Variants in ATP1B2 observed in about 807,000 individuals in gnomAD.
ATP1B2 encodes sodium/potassium-transporting ATPase subunit beta-2.
ATP1B2 carries 12 observed loss-of-function variants against 37.3 expected under a neutral mutation model. The observed-to-expected ratio is 0.32, with a 90% confidence interval of 0.21 to 0.52. The LOEUF (loss-of-function observed/expected upper bound fraction) is 0.52, where lower values mean the gene tolerates loss of function less well. ATP1B2 is among the 20% of genes least tolerant of loss of function. ATP1B2 has a pLI of 0.96. For missense variants in ATP1B2, 324 were observed against 391.6 expected (o/e 0.83, Z 1.46); for synonymous variants, 139 against 140.5 (o/e 0.99, Z 0.07).
Position 7,651,207 on chromosome 17 carries a change from A to G in ATP1B2, c.-312A>G. The G allele has an allele frequency of 3.1e-6, 1 of 323,112 alleles. No homozygotes were observed. The allele number at this position is 323,112 out of a possible 1,614,324, so 20.0% of individuals were successfully genotyped here. On this transcript the variant is annotated 5_prime_UTR_variant, in exon 1 of 7. Transcript: ENST00000250111. ...TTGCACCCCATTTCGTTTTGTTTCT[A>G]GACGGTTTGGTGGGGGGTGAAGCTG...
Position 7,654,527 on chromosome 17 carries a change from C to G in ATP1B2, c.553-101C>G, listed in dbSNP as rs879082513. On this transcript the variant is annotated intron_variant, in intron 4 of 6. Coordinates refer to ENST00000250111, the MANE Select transcript of ATP1B2 (RefSeq NM_001678.5). This position sits in a 1 kb window ranked among gnomAD's most constrained non-coding sequence, Gnocchi z 4.9. ...TTAAGCTATCCTCCCGCCTCAACCT[C>G]CCTAGTAGTTGGGACTACAGTCCCC... The G allele has an allele frequency of 2.3e-6, 3 of 1,304,370 alleles. No individual in the cohort carries two copies. Among genetic ancestry groups the G allele is most frequent in the Admixed American group, 3.4e-5 (2 of 59,318 alleles). The allele number at this position is 1,304,370 out of a possible 1,614,324, so 80.8% of individuals were successfully genotyped here. A position where few individuals can be genotyped will look rare whatever the true frequency, so the allele number is the denominator to read the frequency against.
rs755239918 is a variant in ATP1B2, at chr17:7,655,720, C to T, written c.709-11C>T. 5 of 1,614,086 alleles carry T rather than the reference C, an allele frequency of 3.1e-6. No homozygotes were observed. The highest frequency in any genetic ancestry group is 3.4e-6 in the Non-Finnish European group (4 of 1,179,972). On this transcript the variant is annotated splice_polypyrimidine_tract_variant and intron_variant, in intron 6 of 6. Coordinates refer to ENST00000250111, the MANE Select transcript of ATP1B2 (RefSeq NM_001678.5). The surrounding 1 kb of genome is among the most constrained non-coding windows in gnomAD (Gnocchi z 4.4). The stretch of plus-strand genomic sequence containing the variant: ...CCCAGGCCTAGACCCTGCACTGCTC[C>T]TCCGGCCCAGGTGAACTACACACAG...
At chr17:7,652,372 C>A (rs1433287507) in intron 1 of ATP1B2, among the ~76,000 whole-genome samples, 2 of 151,788 alleles carry the variant, frequency 1.3e-5, no homozygotes, top group Admixed American at 1.3e-4. Flanking sequence ...GTCTGGTGAC[C>A]GGCACAGGTG....
rs573656785 is a variant in ATP1B2, at chr17:7,651,339, C to T, written c.-180C>T. 54 of 602,682 alleles carry T rather than the reference C, an allele frequency of 9.0e-5. 1 individual carries two copies. The highest frequency in any genetic ancestry group is 1.4e-4 in the Non-Finnish European group (49 of 340,656). 37.3% of individuals were successfully genotyped at this position (602,682 alleles called of 1,614,324 possible). On this transcript the variant is annotated 5_prime_UTR_variant, in exon 1 of 7. Coordinates refer to ENST00000250111, the MANE Select transcript of ATP1B2 (RefSeq NM_001678.5). Reference sequence around the variant, plus strand: ...GCATCTTCCGCCGCGCTGCCAGCACCCCGCAGCGCGTGGTCGTGCACCCCG... The same window carrying T: ...GCATCTTCCGCCGCGCTGCCAGCACTCCGCAGCGCGTGGTCGTGCACCCCG...
chr17:7,652,680 C>T (rs985065175), intron 1 of ATP1B2, among the ~76,000 whole-genome samples: 3 of 152,104 alleles, frequency 2.0e-5, no homozygotes, highest in Admixed American at 6.6e-5. Flanking sequence ...TGGGAACAGC[C>T]GGCCCTTGGG....
At position 7,655,665 on chromosome 17, in the gene ATP1B2, G is replaced by T. The variant is rs375845891; in HGVS notation, c.708+40G>T. 1.0e-4 allele frequency: 168 copies of T among 1,613,894 alleles called. No individual in the cohort carries two copies. Among genetic ancestry groups the T allele is most frequent in the Non-Finnish European group, 3.0e-5 (35 of 1,179,970 alleles). On this transcript the variant is annotated intron_variant, in intron 6 of 6. Transcript: ENST00000250111. The surrounding 1 kb of genome is among the most constrained non-coding windows in gnomAD (Gnocchi z 4.4). ...AGGCCCAGGCTGATGGCGGGTGCGGGTGGTGAGCTAGGGAAGGAGGCCGCG... is the reference window on the plus strand; with the variant it reads ...AGGCCCAGGCTGATGGCGGGTGCGGTTGGTGAGCTAGGGAAGGAGGCCGCG...
At chr17:7,650,695 C>G (rs2072604553), upstream of ATP1B2, among the ~76,000 whole-genome samples, 1 of 152,154 alleles carries the variant, frequency 6.6e-6, no homozygotes, top group Non-Finnish European at 1.5e-5. Context: ...CGGACACGCC[C>G]TCTATCTCTT....
chr17:7,655,936 C>T lies in ATP1B2; in HGVS notation c.*41C>T, dbSNP rs769421930. ...CCCCATCTCTCTCCTGTGGATGCTC[C>T]TGGAATGTCCCTGACCCTGCCTGAT... is the stretch of plus-strand genomic sequence containing the variant. On this transcript the variant is annotated 3_prime_UTR_variant, in exon 7 of 7. Transcript: ENST00000250111. This position sits in a 1 kb window ranked among gnomAD's most constrained non-coding sequence, Gnocchi z 4.4. 1 of 1,609,172 alleles carries T rather than the reference C, an allele frequency of 6.2e-7. No homozygotes were observed. The highest frequency in any genetic ancestry group is 8.5e-7 in the Non-Finnish European group (1 of 1,177,286).
chr17:7,648,176 G>T (rs1171266737), upstream of ATP1B2, among the ~76,000 whole-genome samples: 1 of 152,116 alleles, frequency 6.6e-6, no homozygotes, highest in African/African-American at 2.4e-5. Context: ...GGAAGTGGAG[G>T]TTGCAGTGAG....
chr17:7,654,517 G>A lies in ATP1B2; in HGVS notation c.553-111G>A, dbSNP rs1016895667. The A allele has an allele frequency of 1.4e-5, 17 of 1,226,040 alleles. No homozygotes were observed. In the East Asian group the frequency reaches 1.9e-4, roughly 13 times the overall value. 75.9% of individuals were successfully genotyped at this position (1,226,040 alleles called of 1,614,324 possible). On this transcript the variant is annotated intron_variant, in intron 4 of 6. Transcript: ENST00000250111. This position sits in a 1 kb window ranked among gnomAD's most constrained non-coding sequence, Gnocchi z 4.9. Reference sequence around the variant, plus strand: ...ACTCCTGGAATTAAGCTATCCTCCCGCCTCAACCTCCCTAGTAGTTGGGAC... The same window carrying A: ...ACTCCTGGAATTAAGCTATCCTCCCACCTCAACCTCCCTAGTAGTTGGGAC...
intron 1 of ATP1B2, among the ~76,000 whole-genome samples, chr17:7,652,072 G>A (rs1302999910): frequency 6.6e-6 from 1 of 152,076 alleles, no homozygotes; most frequent in Non-Finnish European, 1.5e-5. Context: ...GTCTTGGGGG[G>A]TGTGTTAGGG....
intron 2 of ATP1B2, 146 bp from the exon 3 acceptor site, chr17:7,653,695 A>G: frequency 8.2e-7 from 1 of 1,215,226 alleles, no homozygotes; most frequent in Non-Finnish European, 1.2e-6. Context: ...TGTGGCAGAT[A>G]GCCACAGGAG....
At chr17:7,647,542 C>T (rs1477951693), upstream of ATP1B2, among the ~76,000 whole-genome samples, 2 of 152,212 alleles carry the variant, frequency 1.3e-5, no homozygotes, top group East Asian at 1.9e-4. Flanking sequence ...AGAAAGAGAC[C>T]GGGTGCGGTG....
chr17:7,648,337 C>T (rs1333733574), upstream of ATP1B2, among the ~76,000 whole-genome samples: 2 of 151,786 alleles, frequency 1.3e-5, no homozygotes, highest in Non-Finnish European at 2.9e-5. Flanking sequence ...CAGCACTTTG[C>T]GAGGCCAAGG....
In ATP1B2 at chr17:7,654,113, A is replaced by G; in HGVS notation, c.408A>G (p.Glu136=). The part of the protein sequence containing the change: ...NDVCRPGRYY[E]QPDNGVLNYP... ...TCTGCCGCCCTGGACGCTATTACGA[A>G]CAGCCAGATAATGGAGTCCTCAACT... Residue 136 remains glutamate (E), a synonymous_variant, in exon 4 of 7, where the codon GAA becomes GAG. Coordinates refer to ENST00000250111, the MANE Select transcript of ATP1B2 (RefSeq NM_001678.5). This position sits in a 1 kb window ranked among gnomAD's most constrained non-coding sequence, Gnocchi z 4.9. 6.2e-7 allele frequency: 1 copy of G among 1,614,166 alleles called. No homozygotes were observed. Among genetic ancestry groups the G allele is most frequent in the Non-Finnish European group, 8.5e-7 (1 of 1,180,040 alleles).
Position 7,654,386 on chromosome 17 carries a change from A to G in ATP1B2, c.552+129A>G. On this transcript the variant is annotated intron_variant, in intron 4 of 6. Coordinates refer to ENST00000250111, the MANE Select transcript of ATP1B2 (RefSeq NM_001678.5). This position sits in a 1 kb window ranked among gnomAD's most constrained non-coding sequence, Gnocchi z 4.9. Reference sequence around the variant, plus strand: ...TTGGATGTTTGTGTAGCTGAGAGAAAAAGAGAGGTGGGACTCTTGGAGGCT... The same window carrying G: ...TTGGATGTTTGTGTAGCTGAGAGAAGAAGAGAGGTGGGACTCTTGGAGGCT... 8.2e-7 allele frequency: 1 copy of G among 1,213,386 alleles called. No individual in the cohort carries two copies. The allele number at this position is 1,213,386 out of a possible 1,614,324, so 75.2% of individuals were successfully genotyped here. A position where few individuals can be genotyped will look rare whatever the true frequency, so the allele number is the denominator to read the frequency against.
At position 7,655,611 on chromosome 17, in the gene ATP1B2, G is replaced by A. The variant is rs1186987545; in HGVS notation, c.694G>A (p.Gly232Ser). The A allele has an allele frequency of 1.2e-6, 2 of 1,614,134 alleles. No individual in the cohort carries two copies. The highest frequency in any genetic ancestry group is 1.3e-5 in the African/African-American group (1 of 75,010). ...CGACCTCATGTACTTCCCCTACTAT[G>A]GCAAAAAGTTCCACGTAAGTCCCAG... ...NIDLMYFPYY[G>S]KKFHVNYTQP... The change falls in exon 6 of 7, where the codon GGC (glycine) becomes AGC (serine). Residue 232 changes from glycine to serine, a missense_variant. Gly to Ser is a moderately conservative substitution (Grantham distance 56, BLOSUM62 0). Coordinates refer to ENST00000250111, the MANE Select transcript of ATP1B2 (RefSeq NM_001678.5). The surrounding 1 kb of genome is among the most constrained non-coding windows in gnomAD (Gnocchi z 4.4).
chr17:7,649,607 C>G (rs2072596816), upstream of ATP1B2, among the ~76,000 whole-genome samples: 1 of 150,938 alleles, frequency 6.6e-6, no homozygotes, highest in African/African-American at 2.4e-5. Context: ...GGCTGGAGTG[C>G]AGTGGAGCGA....
chr17:7,655,633 C>G lies in ATP1B2; in HGVS notation c.708+8C>G, dbSNP rs202126873. 76 of 1,614,002 alleles carry G rather than the reference C, an allele frequency of 4.7e-5. No homozygotes were observed. Among genetic ancestry groups the G allele is most frequent in the East Asian group, 2.2e-5 (1 of 44,896 alleles). On this transcript the variant is annotated splice_region_variant and intron_variant, in intron 6 of 6. Transcript: ENST00000250111. This position sits in a 1 kb window ranked among gnomAD's most constrained non-coding sequence, Gnocchi z 4.4. ...TATGGCAAAAAGTTCCACGTAAGTC[C>G]CAGGGGAGGCCCAGGCTGATGGCGG...
Sources: gnomAD v4.1 joint callset for allele counts (sites outside exome capture counted in the v4.1 genomes callset) on GRCh38, gnomAD v4.1.1 for gene constraint, Gnocchi (gnomAD v3.1) non-coding constraint, MANE v1.5 for transcripts, NCBI Gene and HGNC (gene_info 2026-07-23, HGNC 2026-07-21) for gene names.